Variants in ZFAT observed in about 807,000 individuals in gnomAD.
The protein encoded by ZFAT is zinc finger protein ZFAT.
In ZFAT, 64 loss-of-function variants were observed where a neutral mutation model predicts 117.7. That is an observed-to-expected ratio of 0.54 (90% CI 0.44 to 0.67). ZFAT has a LOEUF of 0.67. Among genes scored for constraint, ZFAT ranks in the 30% least tolerant of loss-of-function variants. The pLI is 0.00. For synonymous variants in ZFAT, 679 were observed against 615.0 expected (o/e 1.10, Z -1.54); for missense variants, 1,433 against 1,584.5 (o/e 0.90, Z 1.62).
chr8:134,506,822 T>C (rs1328082777), intron 15 of ZFAT, among the ~76,000 whole-genome samples: 1 of 152,228 alleles, frequency 6.6e-6, no homozygotes, highest in Non-Finnish European at 1.5e-5. Flanking sequence ...GTGGAAGATG[T>C]ATATAAAAGA....
intron 10 of ZFAT, among the ~76,000 whole-genome samples, chr8:134,573,214 C>G (rs1825056985): frequency 6.6e-6 from 1 of 152,130 alleles, no homozygotes; most frequent in South Asian, 2.1e-4. Flanking sequence ...TTGAGCTGTA[C>G]ACTCCTGAAC....
In ZFAT at chr8:134,601,790, T is replaced by C; in HGVS notation, c.1929A>G (p.Ser643=). ...TCTGGGCGCCATGGCTTTCCTGATC[T>C]GACCCAGCACTCTGGGCCTTGGACA... ...LLLSKAQSAG[S]DQESHGAQSP... The change falls in exon 6 of 16, where the codon TCA becomes TCG. Residue 643 remains serine (S), a synonymous_variant. Coordinates refer to ENST00000377838, the MANE Select transcript of ZFAT (RefSeq NM_020863.4). The C allele has an allele frequency of 6.2e-7, 1 of 1,613,950 alleles. No homozygotes were observed. Among genetic ancestry groups the C allele is most frequent in the Non-Finnish European group, 8.5e-7 (1 of 1,179,952 alleles).
intron 11 of ZFAT, among the ~76,000 whole-genome samples, chr8:134,562,330 T>C (rs1042174930): frequency 2.0e-5 from 3 of 152,230 alleles, no homozygotes; most frequent in African/African-American, 7.2e-5. Context: ...AAATGTAAGA[T>C]AATCAATCTG....
At chr8:134,687,789 T>C (rs926683058) in intron 1 of ZFAT, among the ~76,000 whole-genome samples, 2 of 152,226 alleles carry the variant, frequency 1.3e-5, no homozygotes, top group Non-Finnish European at 2.9e-5. Flanking sequence ...TCCCATTTTC[T>C]AGAGTACTGG....
At chr8:134,484,600 C>T (rs1586555652) in intron 15 of ZFAT, among the ~76,000 whole-genome samples, 1 of 152,180 alleles carries the variant, frequency 6.6e-6, no homozygotes, top group East Asian at 1.9e-4. Context: ...CAGGGCCACA[C>T]TGCTGGAAAT....
At chr8:134,729,296 T>A in the ZFAT span, among the ~76,000 whole-genome samples, 1 of 152,232 alleles carries the variant, frequency 6.6e-6, no homozygotes, top group East Asian at 1.9e-4. Context: ...GGATTTGGGC[T>A]GCCCCTGGGA....
At chr8:134,763,561 A>T in the ZFAT span, among the ~76,000 whole-genome samples, 5 of 152,084 alleles carry the variant, frequency 3.3e-5, no homozygotes, top group African/African-American at 4.8e-5. Context: ...TCATTGATTG[A>T]TTTACACATT....
intron 6 of ZFAT, among the ~76,000 whole-genome samples, chr8:134,601,112 G>A (rs929711277): frequency 1.3e-5 from 2 of 152,198 alleles, no homozygotes; most frequent in African/African-American, 2.4e-5. Flanking sequence ...ACAGAGAGCT[G>A]CAGCCACTTT....
At chr8:134,653,122 T>C (rs550312346) in intron 2 of ZFAT, among the ~76,000 whole-genome samples, 5 of 150,346 alleles carry the variant, frequency 3.3e-5, no homozygotes, top group Non-Finnish European at 3.0e-5. Context: ...GTACTTAACA[T>C]TTGCTAAAAG....
At chr8:134,740,066 T>C in the ZFAT span, among the ~76,000 whole-genome samples, 1 of 152,228 alleles carries the variant, frequency 6.6e-6, no homozygotes, top group Non-Finnish European at 1.5e-5. Flanking sequence ...ACTTGCTCAG[T>C]TGATCCCTTT....
At chr8:134,677,991 G>T (rs200200140) in intron 1 of ZFAT, among the ~76,000 whole-genome samples, 2 of 152,046 alleles carry the variant, frequency 1.3e-5, no homozygotes, top group African/African-American at 4.8e-5. Flanking sequence ...AGCCAATATC[G>T]TATTGAATGG....
At position 134,657,610 on chromosome 8, in the gene ZFAT, A is replaced by C. The variant is rs1381615199; in HGVS notation, c.147T>G (p.Leu49=). ...GGGGTTCAGGTGTACTCAGAGGCCT[A>C]AGGGGAATAATAATCTCATCAACAT... ...GVNVDEIIIP[L]RPLSTPEPPN... The change falls in exon 2 of 16, where the codon CTT becomes CTG. Residue 49 remains leucine (L), a synonymous_variant. Coordinates refer to ENST00000377838, the MANE Select transcript of ZFAT (RefSeq NM_020863.4). The C allele has an allele frequency of 6.8e-6, 11 of 1,613,938 alleles. No homozygotes were observed. Among genetic ancestry groups the C allele is most frequent in the Non-Finnish European group, 9.3e-6 (11 of 1,180,018 alleles).
chr8:134,699,893 C>T (rs1833965168), intron 1 of ZFAT, among the ~76,000 whole-genome samples: 1 of 152,198 alleles, frequency 6.6e-6, no homozygotes, highest in Non-Finnish European at 1.5e-5. Flanking sequence ...GCAGGAGCCT[C>T]GGCTCAGGCA....
chr8:134,816,449 A>AT, the ZFAT span, among the ~76,000 whole-genome samples: 31 of 152,176 alleles, frequency 2.0e-4, no homozygotes, highest in African/African-American at 7.2e-4. Flanking sequence ...TTGAAATGAA[A>AT]TTGCCATTTC....
At chr8:134,812,537 C>A in the ZFAT span, among the ~76,000 whole-genome samples, 2 of 152,112 alleles carry the variant, frequency 1.3e-5, no homozygotes, top group Non-Finnish European at 2.9e-5. Flanking sequence ...TCGAGACCAG[C>A]CTGCCTGGCC....
intron 10 of ZFAT, among the ~76,000 whole-genome samples, chr8:134,579,236 A>G (rs1351747411): frequency 6.6e-6 from 1 of 152,202 alleles, no homozygotes; most frequent in Non-Finnish European, 1.5e-5. Flanking sequence ...CTGGAAATAC[A>G]AGTTTGGAAG....
the ZFAT span, among the ~76,000 whole-genome samples, chr8:134,729,661 T>G: frequency 1.3e-3 from 196 of 152,284 alleles, 5 homozygotes; most frequent in East Asian, 0.035. Context: ...GAGGACTTTC[T>G]TCCCAAATGC....
chr8:134,488,972 A>G (rs1237649845), intron 15 of ZFAT, among the ~76,000 whole-genome samples: 2 of 129,336 alleles, frequency 1.5e-5, no homozygotes, highest in Non-Finnish European at 3.2e-5. Context: ...AATGAGATTC[A>G]GTAGAGCCAG....
chr8:134,618,904 G>C (rs930265415), intron 3 of ZFAT, among the ~76,000 whole-genome samples: 14 of 152,284 alleles, frequency 9.2e-5, no homozygotes, highest in African/African-American at 3.4e-4. Flanking sequence ...CCTGCCCTCT[G>C]GAGTTTACAT....
Sources: allele counts gnomAD v4.1 joint callset (sites outside exome capture counted in the v4.1 genomes callset), GRCh38; gene constraint gnomAD v4.1.1; transcripts MANE v1.5; gene names NCBI Gene and HGNC (gene_info 2026-07-23, HGNC 2026-07-21).